Variants in IFNGR2 observed in about 807,000 individuals in gnomAD.
IFNGR2 encodes IFN-gamma receptor 2.
Under a neutral mutation model 41.1 loss-of-function variants are expected in IFNGR2, and 15 were observed. The observed-to-expected ratio is 0.37, with a 90% CI of 0.24 to 0.56. The LOEUF is 0.56. Among genes scored for constraint, IFNGR2 ranks in the 20% least tolerant of loss-of-function variants. The pLI is 0.81. For missense variants in IFNGR2, 362 were observed against 415.7 expected, an observed-to-expected ratio of 0.87 and a Z score of 1.12; for synonymous variants, 161 against 171.6, an observed-to-expected ratio of 0.94 and a Z score of 0.48.
intron 6 of IFNGR2, among the ~76,000 whole-genome samples, chr21:33,435,532 C>T (rs1266365282): frequency 1.3e-5 from 2 of 152,146 alleles, no homozygotes; most frequent in Non-Finnish European, 2.9e-5. Context: ...TTAACATGGT[C>T]AGCCCTGGGA....
chr21:33,427,633 G>C (rs2083849816), intron 4 of IFNGR2, among the ~76,000 whole-genome samples: 1 of 152,084 alleles, frequency 6.6e-6, no homozygotes. Flanking sequence ...TCAGCCTCGG[G>C]GAGTATAGGA....
chr21:33,407,787 G>C (rs1161281027), intron 1 of IFNGR2, among the ~76,000 whole-genome samples: 1 of 151,840 alleles, frequency 6.6e-6, no homozygotes, highest in African/African-American at 2.4e-5. Flanking sequence ...GTAGGGACGG[G>C]GTTTCACCAC....
Position 33,421,609 on chromosome 21 carries a change from T to C in IFNGR2, c.336T>C (p.Thr112=). Reference sequence around the variant, plus strand: ...GCTTCCCAATGGATTTCAATGTCACTCTACGCCTTCGAGCTGAGCTGGGAG... The same window carrying C: ...GCTTCCCAATGGATTTCAATGTCACCCTACGCCTTCGAGCTGAGCTGGGAG... ...SAGFPMDFNV[T]LRLRAELGAL... is the part of the protein sequence containing the mutation. Residue 112 remains threonine, a synonymous_variant, in exon 3 of 7, where the codon ACT becomes ACC. Coordinates refer to ENST00000290219, the MANE Select transcript of IFNGR2 (RefSeq NM_005534.4). 1 of 1,614,172 alleles carries C rather than the reference T, an allele frequency of 6.2e-7. No homozygotes were observed. Among genetic ancestry groups the C allele is most frequent in the Non-Finnish European group, 8.5e-7 (1 of 1,180,016 alleles).
intron 1 of IFNGR2, among the ~76,000 whole-genome samples, chr21:33,409,561 T>C (rs2123331377): frequency 6.6e-6 from 1 of 152,186 alleles, no homozygotes; most frequent in East Asian, 1.9e-4. Context: ...TAGCGAGTGG[T>C]GGTGATTGGT....
intron 1 of IFNGR2, among the ~76,000 whole-genome samples, chr21:33,407,099 G>A (rs1182117411): frequency 6.6e-6 from 1 of 152,084 alleles, no homozygotes; most frequent in Non-Finnish European, 1.5e-5. Flanking sequence ...GTAACCAACA[G>A]CACAAGTGCA....
At chr21:33,418,102 A>G (rs2083766263) in intron 2 of IFNGR2, among the ~76,000 whole-genome samples, 2 of 152,040 alleles carry the variant, frequency 1.3e-5, no homozygotes, top group Admixed American at 1.3e-4. Flanking sequence ...AGCTGACTGC[A>G]ACTTTCGGCT....
At chr21:33,415,782 T>C (rs1186137259) in intron 2 of IFNGR2, among the ~76,000 whole-genome samples, 5 of 152,228 alleles carry the variant, frequency 3.3e-5, no homozygotes, top group Non-Finnish European at 4.4e-5. Context: ...AGAGGAATTC[T>C]ACCAGACATT....
Position 33,432,257 on chromosome 21 carries a change from A to G in IFNGR2, c.642A>G (p.Ala214=). 1.9e-6 allele frequency: 3 copies of G among 1,613,974 alleles called. No homozygotes were observed. Among genetic ancestry groups the G allele is most frequent in the Non-Finnish European group, 2.5e-6 (3 of 1,179,784 alleles). ...GAGTGTACTGTTTACAAGTCCAGGC[A>G]CAACTGCTTTGGAACAAAAGTAACA... The part of the protein sequence containing the change: ...PSRVYCLQVQ[A]QLLWNKSNIF... Residue 214 remains alanine (A), a synonymous_variant, in exon 5 of 7, where the codon GCA becomes GCG. Transcript: ENST00000290219.
chr21:33,426,211 G>A (rs1262245516), intron 3 of IFNGR2, among the ~76,000 whole-genome samples: 2 of 152,156 alleles, frequency 1.3e-5, no homozygotes, highest in African/African-American at 4.8e-5. Context: ...TCAGGAGTTT[G>A]AAACCAGCCT....
At chr21:33,426,820 A>C (rs1377703116) in intron 3 of IFNGR2, 64 bp from the exon 4 acceptor site, 1 of 1,162,188 alleles carries the variant, frequency 8.6e-7, no homozygotes, top group Admixed American at 1.7e-5. Context: ...TATATAATAC[A>C]TTGTATTATA....
chr21:33,410,055 CG>C (rs1421154131), intron 1 of IFNGR2, among the ~76,000 whole-genome samples: 1 of 151,716 alleles, frequency 6.6e-6, no homozygotes, highest in Admixed American at 6.6e-5. Flanking sequence ...TCCTTGCCTT[CG>C]GGGAAGTTTA....
chr21:33,421,750 C>A, intron 3 of IFNGR2, 65 bp downstream of exon 3: 1 of 1,186,482 alleles, frequency 8.4e-7, no homozygotes, highest in Non-Finnish European at 1.3e-6. Context: ...GCGGTATCGA[C>A]TCCACACACC....
intron 4 of IFNGR2, among the ~76,000 whole-genome samples, chr21:33,431,886 A>G (rs751623145): frequency 6.6e-6 from 1 of 152,242 alleles, no homozygotes; most frequent in Non-Finnish European, 1.5e-5. Context: ...ATGTTAAAGG[A>G]GAAAAAGATT....
Position 33,414,877 on chromosome 21 carries a change from T to TC in IFNGR2, c.74-6dup, listed in dbSNP as rs2083742858. On this transcript the variant is annotated splice_polypyrimidine_tract_variant and intron_variant, in intron 1 of 6. Coordinates refer to ENST00000290219, the MANE Select transcript of IFNGR2 (RefSeq NM_005534.4). ...CCTTCCTCCCTCTTCTTTTTCTCTG[T>TC]CCCCCTCAAGACCCTCTTTCCCAGC... 2.5e-6 allele frequency: 4 copies of TC among 1,610,082 alleles called. No individual in the cohort carries two copies. The highest frequency in any genetic ancestry group is 2.7e-5 in the African/African-American group (2 of 74,882).
rs2083709709 is a variant in IFNGR2 at position 33,410,745 on chromosome 21, G to C, written c.74-4143G>C. On this transcript the variant is annotated intron_variant, in intron 1 of 6. Transcript: ENST00000290219. ...AGCCTCCCTAAGTGCTGGGATTACA[G>C]GCGTGAGCCACCACGCCCATCCAAT... The C allele has an allele frequency of 5.7e-6, 5 of 879,352 alleles. No homozygotes were observed. In the South Asian group the frequency reaches 7.2e-5, roughly 13 times the overall value. 54.5% of individuals were successfully genotyped at this position (879,352 alleles called of 1,614,324 possible).
rs2083962441 is a variant in IFNGR2, at chr21:33,437,042, CA to C, written c.*81del. ...CTGCTAGAGTTCTGTCTGGACTTTC[CA>C]GAGACCAGTATTCCCTTTTGCTGCC... On this transcript the variant is annotated 3_prime_UTR_variant, in exon 7 of 7. Coordinates refer to ENST00000290219, the MANE Select transcript of IFNGR2 (RefSeq NM_005534.4). 1 of 1,481,204 alleles carries C rather than the reference CA, an allele frequency of 6.8e-7. No homozygotes were observed. Among genetic ancestry groups the C allele is most frequent in the South Asian group, 1.1e-5 (1 of 87,546 alleles). The allele number at this position is 1,481,204 out of a possible 1,614,324, so 91.8% of individuals were successfully genotyped here.
At position 33,437,302 on chromosome 21, in the gene IFNGR2, A is replaced by C; in HGVS notation, c.*340A>C. On this transcript the variant is annotated 3_prime_UTR_variant, in exon 7 of 7. Coordinates refer to ENST00000290219, the MANE Select transcript of IFNGR2 (RefSeq NM_005534.4). ...TCATTATTGGTTGGGCTGAGCAGTC[A>C]GAAGACCTGGTCGTCGTCTTGACTT... 3 of 278,216 alleles carry C rather than the reference A, an allele frequency of 1.1e-5. No individual in the cohort carries two copies. The highest frequency in any genetic ancestry group is 7.7e-5 in the South Asian group (2 of 25,898). The allele number at this position is 278,216 out of a possible 1,614,324, so 17.2% of individuals were successfully genotyped here.
chr21:33,405,768 C>T (rs1243642449), intron 1 of IFNGR2, among the ~76,000 whole-genome samples: 1 of 152,116 alleles, frequency 6.6e-6, no homozygotes, highest in East Asian at 1.9e-4. Flanking sequence ...CGGTGGCTCA[C>T]ACCTGTAATC....
At chr21:33,413,869 G>C (rs1172882534) in intron 1 of IFNGR2, among the ~76,000 whole-genome samples, 7 of 112,348 alleles carry the variant, frequency 6.2e-5, no homozygotes, top group Non-Finnish European at 1.1e-4. Flanking sequence ...GTCTCTCTCT[G>C]TCGCCCAGAC....
Sources: gnomAD v4.1 joint callset for allele counts (sites outside exome capture counted in the v4.1 genomes callset) on GRCh38, gnomAD v4.1.1 for gene constraint, MANE v1.5 for transcripts, NCBI Gene and HGNC (gene_info 2026-07-23, HGNC 2026-07-21) for gene names.